The following RNLS variants were observed in gnomAD, a reference collection of about 807,000 sequenced individuals.
RNLS encodes renalase.
In RNLS, 39 loss-of-function variants were observed where a neutral mutation model predicts 39.8. That is an observed-to-expected ratio of 0.98 (90% confidence interval 0.76 to 1.28). RNLS has a LOEUF of 1.28. RNLS is among the 50% of genes most tolerant of loss of function. The probability of loss-of-function intolerance (pLI) is 0.00; values close to 1 mark genes in which losing one functional copy is unlikely to be tolerated. For missense variants in RNLS, 410 were observed against 413.3 expected, an observed-to-expected ratio of 0.99 and a Z score of 0.07; for synonymous variants, 147 against 150.7, an observed-to-expected ratio of 0.98 and a Z score of 0.18.
At chr10:88,213,380 C>T in the RNLS span, among the ~76,000 whole-genome samples, 1 of 151,786 alleles carries the variant, frequency 6.6e-6, no homozygotes, top group South Asian at 2.1e-4. Context: ...AAGAATCATA[C>T]CCCTTTATTT....
At chr10:88,299,043 C>T (rs1844311997) in intron 6 of RNLS, among the ~76,000 whole-genome samples, 1 of 152,156 alleles carries the variant, frequency 6.6e-6, no homozygotes, top group African/African-American at 2.4e-5. Context: ...AGTAAATTCA[C>T]ATCTCTTCTT....
chr10:88,514,668 T>C (rs1049984735), intron 4 of RNLS, among the ~76,000 whole-genome samples: 8 of 152,124 alleles, frequency 5.3e-5, no homozygotes, highest in African/African-American at 1.9e-4. Context: ...ATGTAGTATA[T>C]GTCCTTTTAT....
At chr10:88,204,819 CAAAA>C in the RNLS span, among the ~76,000 whole-genome samples, 2 of 151,600 alleles carry the variant, frequency 1.3e-5, no homozygotes, top group East Asian at 1.9e-4. Context: ...TTCTTTCCTT[CAAAA>C]AAAATGTATT....
At chr10:88,176,758 A>G in the RNLS span, among the ~76,000 whole-genome samples, 2 of 151,880 alleles carry the variant, frequency 1.3e-5, no homozygotes, top group Admixed American at 1.3e-4. Context: ...TTGCTTCCAG[A>G]AGTATAATTT....
intron 4 of RNLS, among the ~76,000 whole-genome samples, chr10:88,466,914 T>C (rs967468784): frequency 5.3e-5 from 8 of 152,162 alleles, no homozygotes; most frequent in African/African-American, 1.9e-4. Context: ...AAACCTTCTT[T>C]TATTTTTAAA....
At chr10:88,572,830 G>A in intron 4 of RNLS, 73 bp downstream of exon 4, 2 of 1,525,468 alleles carry the variant, frequency 1.3e-6, no homozygotes, top group Non-Finnish European at 1.8e-6. Context: ...TGCGAAGAGA[G>A]TTAAACCAAA....
chr10:88,285,634 C>CAA lies in RNLS; in HGVS notation c.877-130_877-129dup, dbSNP rs1011179262. The CAA allele has an allele frequency of 3.9e-6, 3 of 762,050 alleles. No individual in the cohort carries two copies. The East Asian group carries it at 7.9e-5, about 20-fold the overall frequency. 47.2% of individuals were successfully genotyped at this position (762,050 alleles called of 1,614,324 possible). The stretch of plus-strand genomic sequence containing the variant: ...TTTCTCACAAGAAGCACCAAACAAA[C>CAA]AAAAAAAATGCACACACAAGAAACA... On this transcript the variant is annotated intron_variant, in intron 6 of 6. Coordinates refer to ENST00000331772, the MANE Select transcript of RNLS (RefSeq NM_001031709.3).
chr10:88,471,230 A>G (rs1477079061), intron 4 of RNLS, among the ~76,000 whole-genome samples: 1 of 149,702 alleles, frequency 6.7e-6, no homozygotes, highest in East Asian at 2.0e-4. Context: ...GGATTATTCT[A>G]TTAATATTGT....
the RNLS span, among the ~76,000 whole-genome samples, chr10:88,259,940 C>T: frequency 6.6e-6 from 1 of 152,150 alleles, no homozygotes. Flanking sequence ...CGGGGTTTCA[C>T]CATGTTGGCC....
At chr10:88,512,270 T>C (rs1482344486) in intron 4 of RNLS, among the ~76,000 whole-genome samples, 3 of 152,198 alleles carry the variant, frequency 2.0e-5, no homozygotes, top group African/African-American at 4.8e-5. Context: ...TGCACCCTTT[T>C]ATGTCAGAAA....
At chr10:88,450,087 T>C (rs1220744982) in intron 4 of RNLS, among the ~76,000 whole-genome samples, 1 of 150,038 alleles carries the variant, frequency 6.7e-6, no homozygotes, top group Non-Finnish European at 1.5e-5. Flanking sequence ...AGCCTTAACA[T>C]GTGGAAGTTA....
the RNLS span, among the ~76,000 whole-genome samples, chr10:88,231,883 G>A: frequency 6.6e-6 from 1 of 151,804 alleles, no homozygotes; most frequent in Admixed American, 6.6e-5. Context: ...GATGTATTTG[G>A]GCCTGCCAGT....
rs543902279 is a variant in RNLS, at chr10:88,507,910, G to A, written c.526+64993C>T. On this transcript the variant is annotated intron_variant, in intron 4 of 6. Coordinates refer to ENST00000331772, the MANE Select transcript of RNLS (RefSeq NM_001031709.3). ...TAATGTCTCTACAATTGATAACAGT[G>A]GGATTAACTGGATATTTCTGCCACC... Among the ~76,000 whole-genome samples, 53 of 152,242 alleles carry A rather than the reference G, an allele frequency of 3.5e-4. 1 individual carries two copies. Among genetic ancestry groups the A allele is most frequent in the African/African-American group, 9.6e-4 (40 of 41,566 alleles).
intron 4 of RNLS, among the ~76,000 whole-genome samples, chr10:88,549,387 C>A (rs1010993664): frequency 6.6e-6 from 1 of 151,144 alleles, no homozygotes; most frequent in Non-Finnish European, 1.5e-5. Context: ...AAACCCTGTC[C>A]CTACAAAAAA....
the RNLS span, among the ~76,000 whole-genome samples, chr10:88,224,214 G>T: frequency 2.6e-5 from 4 of 152,148 alleles, no homozygotes. Flanking sequence ...GTGGCGGTAG[G>T]TTCAGTGTCT....
intron 3 of RNLS, among the ~76,000 whole-genome samples, chr10:88,577,941 G>C (rs779953014): frequency 2.8e-4 from 42 of 152,064 alleles, no homozygotes; most frequent in Admixed American, 5.9e-4. Context: ...AATTGCCCTG[G>C]GAGTCTGGTC....
chr10:88,305,143 C>G (rs1455061132), intron 6 of RNLS, among the ~76,000 whole-genome samples: 1 of 152,144 alleles, frequency 6.6e-6, no homozygotes, highest in African/African-American at 2.4e-5. Context: ...TCTTTACAGA[C>G]AAGCAAATAC....
intron 4 of RNLS, among the ~76,000 whole-genome samples, chr10:88,430,747 G>A (rs1374723879): frequency 6.6e-6 from 1 of 151,700 alleles, no homozygotes; most frequent in Non-Finnish European, 1.5e-5. Flanking sequence ...TGCATCTACT[G>A]GGATGATCAT....
the RNLS span, among the ~76,000 whole-genome samples, chr10:88,240,174 T>A: frequency 6.6e-6 from 1 of 152,206 alleles, no homozygotes; most frequent in African/African-American, 2.4e-5. Context: ...TCTATATACT[T>A]ACAAGGTAAC....
Sources: gnomAD v4.1 joint callset for allele counts (sites outside exome capture counted in the v4.1 genomes callset) on GRCh38, gnomAD v4.1.1 for gene constraint, MANE v1.5 for transcripts, NCBI Gene and HGNC (gene_info 2026-07-23, HGNC 2026-07-21) for gene names.